Variants in TDRD6 observed in about 807,000 individuals in gnomAD.
TDRD6 encodes the protein tudor domain-containing protein 6.
In TDRD6, 186 loss-of-function variants were observed where a neutral mutation model predicts 157.5. The ratio of observed to expected loss-of-function variants is 1.18; its 90% CI spans 1.05 to 1.33. TDRD6 has a LOEUF of 1.33. Ranked by LOEUF, TDRD6 falls within the 40% of genes most tolerant of loss-of-function variation. TDRD6 has a pLI of 0.00. For synonymous variants in TDRD6, 1,075 were observed against 945.2 expected, an observed-to-expected ratio of 1.14 and a Z score of -2.52; for missense variants, 3,066 against 2,508.0, an observed-to-expected ratio of 1.22 and a Z score of -4.75.
chr6:46,689,078 G>A lies in TDRD6; in HGVS notation c.950G>A (p.Cys317Tyr). ...EESPDKPGSP[C>Y]ASCGLDGHWY... ...AGCCCAGATAAGCCGGGCTCTCCGT[G>A]TGCATCCTGTGGCCTGGATGGACAT... The change falls in exon 1 of 4, where the codon TGT (cysteine) becomes TAT (tyrosine). Residue 317 changes from cysteine (C) to tyrosine (Y), a missense_variant. Coordinates refer to ENST00000316081, the MANE Select transcript of TDRD6 (RefSeq NM_001010870.3). 1.9e-6 allele frequency: 3 copies of A among 1,614,182 alleles called. No individual in the cohort carries two copies. The highest frequency in any genetic ancestry group is 1.1e-5 in the South Asian group (1 of 91,084).
At chr6:46,694,893 G>C (rs1764453723) in intron 1 of TDRD6, among the ~76,000 whole-genome samples, 1 of 152,080 alleles carries the variant, frequency 6.6e-6, no homozygotes, top group African/African-American at 2.4e-5. Context: ...AGACTTAACT[G>C]TATCATGCAT....
At chr6:46,681,820 G>A in the TDRD6 span, among the ~76,000 whole-genome samples, 62 of 152,078 alleles carry the variant, frequency 4.1e-4, no homozygotes, top group Non-Finnish European at 7.2e-4. Flanking sequence ...AGTGAAATAA[G>A]CCAGGCAAAA....
intron 1 of TDRD6, 124 bp from the exon 2 acceptor site, chr6:46,695,697 A>G: frequency 3.3e-6 from 3 of 913,786 alleles, no homozygotes; most frequent in South Asian, 2.2e-5. Context: ...AGTCATACCA[A>G]TGTACTAATT....
In TDRD6 at chr6:46,689,248, T is replaced by A. The variant is rs774145155; in HGVS notation, c.1120T>A (p.Tyr374Asn). ...ATATTTTCGAATGCCGGTGGTGACC[T>A]ACCCTTGTGCTTTGTATGGACTCTG... ...PEYFRMPVVT[Y>N]PCALYGLWDG... The change falls in exon 1 of 4, where the codon TAC becomes AAC. Residue 374 changes from tyrosine (Y) to asparagine (N), a missense_variant. Coordinates refer to ENST00000316081, the MANE Select transcript of TDRD6 (RefSeq NM_001010870.3). 1.2e-5 allele frequency: 19 copies of A among 1,614,060 alleles called. No individual in the cohort carries two copies.
chr6:46,690,591 T>G lies in TDRD6; in HGVS notation c.2463T>G (p.Leu821=), dbSNP rs898759255. 3.7e-6 allele frequency: 6 copies of G among 1,614,098 alleles called. No individual in the cohort carries two copies. The highest frequency in any genetic ancestry group is 5.1e-6 in the Non-Finnish European group (6 of 1,180,038). ...CTGCTCCTCACCAGAGAAACACCCT[T>G]GCTTGTTTGGCTAAGCGAACAGTAA... ...NTAAPHQRNT[L]ACLAKRTVNR... Residue 821 remains leucine (L), a synonymous_variant, in exon 1 of 4, where the codon CTT becomes CTG. Coordinates refer to ENST00000316081, the MANE Select transcript of TDRD6 (RefSeq NM_001010870.3).
chr6:46,696,053 C>A, intron 2 of TDRD6, 108 bp downstream of exon 2: 1 of 1,209,658 alleles, frequency 8.3e-7, no homozygotes, highest in Non-Finnish European at 1.2e-6. Flanking sequence ...TGTTTACTTG[C>A]TTGTTCCCCC....
chr6:46,692,412 T>C lies in TDRD6; in HGVS notation c.4284T>C (p.Asn1428=), dbSNP rs774087260. The C allele has an allele frequency of 1.9e-6, 3 of 1,614,096 alleles. No homozygotes were observed. The highest frequency in any genetic ancestry group is 2.2e-5 in the East Asian group (1 of 44,878). Residue 1428 remains asparagine, a synonymous_variant, in exon 1 of 4, where the codon AAT becomes AAC. Coordinates refer to ENST00000316081, the MANE Select transcript of TDRD6 (RefSeq NM_001010870.3). The part of the protein sequence containing the change: ...CSLQGFEVPD[N]KNSKKMMHYF... ...TGCAGGGATTTGAGGTTCCTGACAA[T>C]AAAAATTCTAAGAAAATGATGCATT...
rs1562052891 is a variant in TDRD6 at position 46,689,247 on chromosome 6, C to CT, written c.1120dup (p.Tyr374LeufsTer22). 1 of 1,614,132 alleles carries CT rather than the reference C, an allele frequency of 6.2e-7. No homozygotes were observed. Among genetic ancestry groups the CT allele is most frequent in the East Asian group, 2.2e-5 (1 of 44,886 alleles). ...AATATTTTCGAATGCCGGTGGTGAC[C>CT]TACCCTTGTGCTTTGTATGGACTCT... On this transcript the variant is annotated frameshift_variant, in exon 1 of 4. Coordinates refer to ENST00000316081, the MANE Select transcript of TDRD6 (RefSeq NM_001010870.3). LOFTEE classifies it high-confidence loss of function.
Position 46,689,058 on chromosome 6 carries a change from AG to A in TDRD6, c.931del (p.Asp311IlefsTer43). Reference protein sequence around the residue: ...ATWEEREESPDKPGSPCASCG... With the variant: ...ATWEEREESPXKPGSPCASCG... ...CCTGGGAGGAGAGGGAGGAGAGCCCAGATAAGCCGGGCTCTCCGTGTGCATC... is the reference window on the plus strand; with the variant it reads ...CCTGGGAGGAGAGGGAGGAGAGCCCAATAAGCCGGGCTCTCCGTGTGCATC... On this transcript the variant is annotated frameshift_variant, in exon 1 of 4. Transcript: ENST00000316081. LOFTEE classifies it high-confidence loss of function. 1 of 1,614,092 alleles carries A rather than the reference AG, an allele frequency of 6.2e-7. No individual in the cohort carries two copies. The highest frequency in any genetic ancestry group is 8.5e-7 in the Non-Finnish European group (1 of 1,179,980).
chr6:46,681,024 A>G, the TDRD6 span, among the ~76,000 whole-genome samples: 1 of 152,240 alleles, frequency 6.6e-6, no homozygotes, highest in Admixed American at 6.5e-5. Flanking sequence ...ATTGCTTGAA[A>G]GCAAGGACCA....
rs767347071 is a variant in TDRD6 at position 46,688,542 on chromosome 6, C to T, written c.414C>T (p.Gly138=). 12 of 1,576,304 alleles carry T rather than the reference C, an allele frequency of 7.6e-6. 1 individual carries two copies. In the South Asian group the frequency reaches 1.4e-4, roughly 18 times the overall value. Residue 138 remains glycine (G), a synonymous_variant, in exon 1 of 4, where the codon GGC becomes GGT. Coordinates refer to ENST00000316081, the MANE Select transcript of TDRD6 (RefSeq NM_001010870.3). The part of the protein sequence containing the change: ...GCVLAGLVPA[G]CGAGSGEPPQ... ...TGCTAGCGGGCCTGGTGCCGGCAGG[C>T]TGCGGCGCGGGCTCAGGCGAGCCGC...
chr6:46,686,362 T>G (rs1174418402), upstream of TDRD6, among the ~76,000 whole-genome samples: 4 of 151,910 alleles, frequency 2.6e-5, no homozygotes, highest in African/African-American at 9.7e-5. Flanking sequence ...ATGCTAACAG[T>G]CCAGCACTGG....
chr6:46,685,943 C>T (rs1022813759), upstream of TDRD6, among the ~76,000 whole-genome samples: 3 of 152,056 alleles, frequency 2.0e-5, no homozygotes, highest in African/African-American at 4.8e-5. Context: ...AAAATTAACC[C>T]GAGTCCCTGT....
chr6:46,687,303 G>A (rs1764120663), upstream of TDRD6, among the ~76,000 whole-genome samples: 2 of 152,198 alleles, frequency 1.3e-5, no homozygotes, highest in Non-Finnish European at 2.9e-5. Flanking sequence ...GAGTTAGACA[G>A]CAAAGGAGCA....
At chr6:46,687,876 G>A, upstream of TDRD6, 1 of 488,078 alleles carries the variant, frequency 2.0e-6, no homozygotes, top group South Asian at 3.4e-5. Context: ...CGCCGAGTGA[G>A]GTAAATGCGT....
In TDRD6 at chr6:46,693,650, C is replaced by A. The variant is rs773680038; in HGVS notation, c.5522C>A (p.Pro1841His). ...AATTCACTTGAGGTGCCGCTTTCTC[C>A]TGATGATGAATCAAAAGAATTCTTA... ...ELNSLEVPLS[P>H]DDESKEFLEL... The change falls in exon 1 of 4, where the codon CCT becomes CAT. Residue 1841 changes from proline to histidine, a missense_variant. By Grantham distance (77) the Pro-to-His change is moderately conservative. Transcript: ENST00000316081. 3 of 1,614,170 alleles carry A rather than the reference C, an allele frequency of 1.9e-6. No individual in the cohort carries two copies. Among genetic ancestry groups the A allele is most frequent in the Admixed American group, 1.7e-5 (1 of 60,022 alleles).
chr6:46,688,888 G>GTGGT lies in TDRD6; in HGVS notation c.761_764dup (p.Ile256GlyfsTer42). On this transcript the variant is annotated frameshift_variant, in exon 1 of 4. Coordinates refer to ENST00000316081, the MANE Select transcript of TDRD6 (RefSeq NM_001010870.3). LOFTEE classifies it high-confidence loss of function. ...GCTGCAGCTGGGCGTGACGGAGGCC[G>GTGGT]TGGTCATAACCCAAGTGTGCCATCC... 1 of 1,605,996 alleles carries GTGGT rather than the reference G, an allele frequency of 6.2e-7. No homozygotes were observed. The highest frequency in any genetic ancestry group is 8.5e-7 in the Non-Finnish European group (1 of 1,174,654).
rs768425545 is a variant in TDRD6, at chr6:46,689,734, AAACCTG to A, written c.1614_1619del (p.Glu538_Pro539del). ...CAGTAAGCTGGATGGTGTAGTTTTG[AAACCTG>A]AACCTGATGACCTTTGCTGTGTCAA... On this transcript the variant is annotated inframe_deletion, in exon 1 of 4. Coordinates refer to ENST00000316081, the MANE Select transcript of TDRD6 (RefSeq NM_001010870.3). 42 of 1,614,086 alleles carry A rather than the reference AAACCTG, an allele frequency of 2.6e-5. No individual in the cohort carries two copies. The highest frequency in any genetic ancestry group is 3.1e-5 in the Non-Finnish European group (37 of 1,180,030).
rs139431472 is a variant in TDRD6, at chr6:46,691,685, A to G, written c.3557A>G (p.Asn1186Ser). ...GAAACTCTTGAAGAAAAAAATGAGAATATGAAGTTGCCATGTACAGAGTAT... is the reference window on the plus strand; with the variant it reads ...GAAACTCTTGAAGAAAAAAATGAGAGTATGAAGTTGCCATGTACAGAGTAT... ...TTETLEEKNE[N>S]MKLPCTEYLS... The change falls in exon 1 of 4, where the codon AAT becomes AGT. Residue 1186 changes from asparagine (N) to serine (S), a missense_variant. Physicochemically the swap from Asn to Ser is conservative, Grantham distance 46. Transcript: ENST00000316081. 5.5e-4 allele frequency: 892 copies of G among 1,612,098 alleles called. No homozygotes were observed. The highest frequency in any genetic ancestry group is 7.0e-4 in the Non-Finnish European group (826 of 1,179,428).
Sources: allele counts gnomAD v4.1 joint callset (sites outside exome capture counted in the v4.1 genomes callset), GRCh38; gene constraint gnomAD v4.1.1; transcripts MANE v1.5; gene names NCBI Gene and HGNC (gene_info 2026-07-23, HGNC 2026-07-21).